The following ZNF26 variants were observed in gnomAD, a reference collection of about 807,000 sequenced individuals.
ZNF26 encodes the protein epididymis luminal protein 179.
Under a neutral mutation model 54.9 loss-of-function variants are expected in ZNF26, and 32 were observed. That is an observed-to-expected ratio of 0.58 (90% CI 0.44 to 0.78). The LOEUF (loss-of-function observed/expected upper bound fraction) is 0.78. Ranked by LOEUF, ZNF26 falls within the 30% of genes least tolerant of loss-of-function variation. The pLI is 0.00. For missense variants in ZNF26, 524 were observed against 634.0 expected (o/e 0.83, Z 1.86); for synonymous variants, 221 against 209.2 (o/e 1.06, Z -0.49).
Position 133,024,892 on chromosome 12 carries a change from C to A in ZNF26, c.*13411C>A, listed in dbSNP as rs1316167416. ...TACACAGATAGCTAAAAATCCCACACGTTCTTAAAAACAGTGATGCTAACT... is the reference window on the plus strand; with the variant it reads ...TACACAGATAGCTAAAAATCCCACAAGTTCTTAAAAACAGTGATGCTAACT... On this transcript the variant is annotated 3_prime_UTR_variant, in exon 4 of 4. Transcript: ENST00000328654. 1 of 152,086 alleles carries A rather than the reference C, an allele frequency of 6.6e-6. No homozygotes were observed. The highest frequency in any genetic ancestry group is 1.5e-5 in the Non-Finnish European group (1 of 68,026). 9.4% of individuals were successfully genotyped at this position (152,086 alleles called of 1,614,324 possible). A position where few individuals can be genotyped will look rare whatever the true frequency, so the allele number is the denominator to read the frequency against.
chr12:132,993,099 A>G (rs1952999491), intron 1 of ZNF26, among the ~76,000 whole-genome samples: 1 of 142,022 alleles, frequency 7.0e-6, no homozygotes. Flanking sequence ...ATCTGGGCTC[A>G]CTGCAGCCTC....
intron 1 of ZNF26, chr12:132,987,797 GAC>G (rs1226509159): frequency 1.1e-6 from 1 of 898,600 alleles, no homozygotes; most frequent in Non-Finnish European, 1.3e-6. Flanking sequence ...GAAAGGAAAG[GAC>G]ACACGGTGGA....
Position 133,010,236 on chromosome 12 carries a change from C to A in ZNF26, c.357C>A (p.Thr119=). The A allele has an allele frequency of 1.2e-6, 2 of 1,613,776 alleles. No homozygotes were observed. Among genetic ancestry groups the A allele is most frequent in the Non-Finnish European group, 1.7e-6 (2 of 1,179,988 alleles). ...SVLGRLNLSK[T]HDSSRQRLYN... ...TGGGAAGACTTAATCTGAGCAAAACCCATGATTCTTCAAGACAGAGACTCT... is the reference window on the plus strand; with the variant it reads ...TGGGAAGACTTAATCTGAGCAAAACACATGATTCTTCAAGACAGAGACTCT... The change falls in exon 4 of 4, where the codon ACC becomes ACA. Residue 119 remains threonine, a synonymous_variant. Transcript: ENST00000328654.
At position 133,010,541 on chromosome 12, in the gene ZNF26, A is replaced by T. The variant is rs998869735; in HGVS notation, c.662A>T (p.Gln221Leu). 9.1e-5 allele frequency: 147 copies of T among 1,614,222 alleles called. 2 individuals carry two copies. In the South Asian group the frequency reaches 9.7e-4, roughly 11 times the overall value. The change falls in exon 4 of 4, where the codon CAG (glutamine) becomes CTG (leucine). Residue 221 changes from glutamine to leucine, a missense_variant. By Grantham distance (113) the Gln-to-Leu change is moderately radical (BLOSUM62 -2). Coordinates refer to ENST00000328654, the MANE Select transcript of ZNF26 (RefSeq NM_019591.4). ...GCCAAGTCAAACCTTAATGCTCATC[A>T]GAGAGTTCATACAGGAGAAAAACCC... ...FSAKSNLNAH[Q>L]RVHTGEKPYS...
chr12:132,995,305 G>C (rs1398022169), intron 1 of ZNF26: 2 of 151,990 alleles, frequency 1.3e-5, no homozygotes, highest in Non-Finnish European at 2.9e-5. Flanking sequence ...AGGATGGTTT[G>C]CTCCACATCC....
intron 1 of ZNF26, chr12:132,995,243 G>C (rs1953051926): frequency 6.5e-6 from 1 of 152,744 alleles, no homozygotes; most frequent in Admixed American, 6.6e-5. Flanking sequence ...GTAGGCGTTA[G>C]CAGTATTGCC....
chr12:133,005,303 A>G (rs2137247542), intron 1 of ZNF26: 1 of 152,244 alleles, frequency 6.6e-6, no homozygotes, highest in South Asian at 2.1e-4. Flanking sequence ...CTCTGGTTCC[A>G]GCGATTCTCC....
Position 133,007,498 on chromosome 12 carries a change from A to G in ZNF26, c.222A>G (p.Ile74Met). ...TGGAACAAGGAGAAGATCCATGGAT[A>G]ATAAATGCCAAAATTTCCAGGCAGA... ...FKLEQGEDPW[I>M]INAKISRQSC... Residue 74 changes from isoleucine to methionine, a missense_variant, in exon 3 of 4, where the codon ATA becomes ATG. Ile to Met is a conservative substitution (Grantham distance 10). Coordinates refer to ENST00000328654, the MANE Select transcript of ZNF26 (RefSeq NM_019591.4). 1 of 1,613,944 alleles carries G rather than the reference A, an allele frequency of 6.2e-7. No individual in the cohort carries two copies. Among genetic ancestry groups the G allele is most frequent in the African/African-American group, 1.3e-5 (1 of 75,056 alleles).
chr12:133,011,533 A>G lies in ZNF26; in HGVS notation c.*52A>G, dbSNP rs1332862639. The G allele has an allele frequency of 1.6e-5, 24 of 1,487,402 alleles. No homozygotes were observed. The highest frequency in any genetic ancestry group is 2.1e-5 in the Non-Finnish European group (24 of 1,120,992). The allele number at this position is 1,487,402 out of a possible 1,614,324, so 92.1% of individuals were successfully genotyped here. ...ACTGATGTTCAGGAGACTTCGGATA[A>G]TATAGACAGGATTTACAAGCAGGAG... is the stretch of plus-strand genomic sequence containing the variant. On this transcript the variant is annotated 3_prime_UTR_variant, in exon 4 of 4. Transcript: ENST00000328654.
rs1953547439 is a variant in ZNF26 at position 133,015,051 on chromosome 12, T to C, written c.*3570T>C. ...CCTCCACCAAGACCCAATAAAAGTG[T>C]GTTATTGAAAGTAGTAGCTACTGGC... On this transcript the variant is annotated 3_prime_UTR_variant, in exon 4 of 4. Coordinates refer to ENST00000328654, the MANE Select transcript of ZNF26 (RefSeq NM_019591.4). 1 of 150,534 alleles carries C rather than the reference T, an allele frequency of 6.6e-6. No individual in the cohort carries two copies. The highest frequency in any genetic ancestry group is 2.0e-4 in the East Asian group (1 of 5,074). The allele number at this position is 150,534 out of a possible 1,614,324, so 9.3% of individuals were successfully genotyped here. A position where few individuals can be genotyped will look rare whatever the true frequency, so the allele number is the denominator to read the frequency against.
Position 133,001,812 on chromosome 12 carries a change from G to A in ZNF26, c.34-5230G>A, listed in dbSNP as rs1953225137. The A allele has an allele frequency of 1.5e-5, 11 of 729,276 alleles. No homozygotes were observed. Among genetic ancestry groups the A allele is most frequent in the South Asian group, 8.9e-5 (6 of 67,230 alleles). The allele number at this position is 729,276 out of a possible 1,614,324, so 45.2% of individuals were successfully genotyped here. A position where few individuals can be genotyped will look rare whatever the true frequency, so the allele number is the denominator to read the frequency against. On this transcript the variant is annotated intron_variant, in intron 1 of 3. Transcript: ENST00000328654. This position sits in a 1 kb window ranked among gnomAD's most constrained non-coding sequence, Gnocchi z 4.7. ...CCAGCTGCCTTTTGAGAGTCCCGCGGCAGTCTTTGCCTTCAGAATTTTTCA... is the reference window on the plus strand; with the variant it reads ...CCAGCTGCCTTTTGAGAGTCCCGCGACAGTCTTTGCCTTCAGAATTTTTCA...
In ZNF26 at chr12:133,010,055, A is replaced by C. The variant is rs930125587; in HGVS notation, c.257-81A>C. On this transcript the variant is annotated intron_variant, in intron 3 of 3. Coordinates refer to ENST00000328654, the MANE Select transcript of ZNF26 (RefSeq NM_019591.4). ...TTACCAAAAGAGAAAGGTTGATTAC[A>C]TCACAGTCCTAATACTGTTTAATTC... 6 of 1,393,700 alleles carry C rather than the reference A, an allele frequency of 4.3e-6. No homozygotes were observed. In the East Asian group the frequency reaches 1.4e-4, roughly 33 times the overall value. 86.3% of individuals were successfully genotyped at this position (1,393,700 alleles called of 1,614,324 possible).
Position 133,010,984 on chromosome 12 carries a change from C to T in ZNF26, c.1105C>T (p.Pro369Ser). 1 of 1,614,046 alleles carries T rather than the reference C, an allele frequency of 6.2e-7. No homozygotes were observed. Among genetic ancestry groups the T allele is most frequent in the Non-Finnish European group, 8.5e-7 (1 of 1,179,998 alleles). ...TCAGGGAGTTCACACAGGAAATAAT[C>T]CTTATCAATGCGGTGAATGTGGGAA... is the stretch of plus-strand genomic sequence containing the variant. ...VHQGVHTGNN[P>S]YQCGECGKAF... Residue 369 changes from proline to serine, a missense_variant, in exon 4 of 4, where the codon CCT (proline) becomes TCT (serine). Transcript: ENST00000328654.
chr12:133,008,756 A>G (rs1953395815), intron 3 of ZNF26, among the ~76,000 whole-genome samples: 3 of 148,926 alleles, frequency 2.0e-5, no homozygotes, highest in South Asian at 4.4e-4. Flanking sequence ...AGCCTGGGCA[A>G]CAGAGCGAGA....
At position 133,000,418 on chromosome 12, in the gene ZNF26, ATTTTTTTT is replaced by A. The variant is rs139011460; in HGVS notation, c.34-6607_34-6600del. ...AGGCATGCGCCGCCATACCTGGCTAATTTTTTTTTTTTTTTTTTTTTTTTGAGATGGAA... is the reference window on the plus strand; with the variant it reads ...AGGCATGCGCCGCCATACCTGGCTAATTTTTTTTTTTTTTTTGAGATGGAA... On this transcript the variant is annotated intron_variant, in intron 1 of 3. Coordinates refer to ENST00000328654, the MANE Select transcript of ZNF26 (RefSeq NM_019591.4). 5.3e-3 allele frequency among the ~76,000 whole-genome samples: 324 copies of A among 61,004 alleles called. 3 individuals are homozygous for A. Among genetic ancestry groups the A allele is most frequent in the African/African-American group, 0.018 (302 of 16,688 alleles). The allele number at this position is 61,004 out of a possible 152,430, so 40.0% of individuals were successfully genotyped here. A position where few individuals can be genotyped will look rare whatever the true frequency, so the allele number is the denominator to read the frequency against.
rs1953491146 is a variant in ZNF26, at chr12:133,012,187, G to A, written c.*706G>A. The A allele has an allele frequency of 6.6e-6, 1 of 152,120 alleles. No individual in the cohort carries two copies. The highest frequency in any genetic ancestry group is 2.4e-5 in the African/African-American group (1 of 41,410). 9.4% of individuals were successfully genotyped at this position (152,120 alleles called of 1,614,324 possible). A position where few individuals can be genotyped will look rare whatever the true frequency, so the allele number is the denominator to read the frequency against. ...CTTAAGAGAACTCATTATAATGAAC[G>A]TTTATTATATTTTGCAGTTCCATGC... On this transcript the variant is annotated 3_prime_UTR_variant, in exon 4 of 4. Coordinates refer to ENST00000328654, the MANE Select transcript of ZNF26 (RefSeq NM_019591.4).
chr12:132,992,908 C>G (rs1414501031), intron 1 of ZNF26, among the ~76,000 whole-genome samples: 1 of 150,846 alleles, frequency 6.6e-6, no homozygotes, highest in African/African-American at 2.4e-5. Context: ...TTGAAGGTTT[C>G]TGTTGATACA....
intron 1 of ZNF26, 127 bp downstream of exon 1, chr12:132,987,000 A>T: frequency 9.6e-7 from 1 of 1,046,672 alleles, no homozygotes; most frequent in Non-Finnish European, 1.4e-6. Context: ...TTACTAGACT[A>T]CCCTCCCCAC....
In ZNF26 at chr12:133,010,408, A is replaced by G. The variant is rs1159786474; in HGVS notation, c.529A>G (p.Ser177Gly). The G allele has an allele frequency of 6.2e-6, 10 of 1,614,112 alleles. No homozygotes were observed. In the African/African-American group the frequency reaches 1.1e-4, roughly 17 times the overall value. ...TAGCATAGAAAAAAACTGTGTGTGT[A>G]GTGAATGTGGGAAAGCTTTTCGTTG... ...AHSIEKNCVCSECGKAFRCKS... is the reference protein window; with the variant it reads ...AHSIEKNCVCGECGKAFRCKS... The change falls in exon 4 of 4, where the codon AGT becomes GGT. Residue 177 changes from serine to glycine, a missense_variant. Transcript: ENST00000328654.
Sources: gnomAD v4.1 joint callset for allele counts (sites outside exome capture counted in the v4.1 genomes callset) on GRCh38, gnomAD v4.1.1 for gene constraint, Gnocchi (gnomAD v3.1) non-coding constraint, MANE v1.5 for transcripts, NCBI Gene and HGNC (gene_info 2026-07-23, HGNC 2026-07-21) for gene names.